Variants in PIK3C2G observed in about 807,000 individuals in gnomAD.
The protein encoded by PIK3C2G is phosphatidylinositol-4-phosphate 3-kinase catalytic subunit type 2 gamma.
In PIK3C2G, 168 loss-of-function variants were observed where a neutral mutation model predicts 181.1. That is an observed-to-expected ratio of 0.93 (90% CI 0.82 to 1.05). The LOEUF (loss-of-function observed/expected upper bound fraction) is 1.05, where lower values mean the gene tolerates loss of function less well. Among genes scored for constraint, PIK3C2G ranks in the 50% least tolerant of loss-of-function variants. The pLI is 0.00. For synonymous variants in PIK3C2G, 573 were observed against 592.2 expected (o/e 0.97, Z 0.47); for missense variants, 1,869 against 1,732.8 (o/e 1.08, Z -1.40).
chr12:18,440,078 T>A (rs902590309), intron 18 of PIK3C2G, among the ~76,000 whole-genome samples: 7 of 152,126 alleles, frequency 4.6e-5, no homozygotes, highest in Non-Finnish European at 8.8e-5. Context: ...TTTACAGGAC[T>A]CATTTTTCTC....
chr12:18,482,942 C>A (rs1210586695), intron 18 of PIK3C2G, among the ~76,000 whole-genome samples: 1 of 152,136 alleles, frequency 6.6e-6, no homozygotes, highest in Non-Finnish European at 1.5e-5. Flanking sequence ...GTTATCTGAC[C>A]CCCAGTTGGT....
chr12:18,497,115 A>G (rs991348988), intron 21 of PIK3C2G, among the ~76,000 whole-genome samples: 4 of 152,152 alleles, frequency 2.6e-5, no homozygotes, highest in Non-Finnish European at 5.9e-5. Flanking sequence ...ACTATCTTCA[A>G]AATAATTTGA....
chr12:18,698,424 A>T, the PIK3C2G span, among the ~76,000 whole-genome samples: 1 of 152,134 alleles, frequency 6.6e-6, no homozygotes. Context: ...AAGAGCCTTT[A>T]AAAAATCCAG....
intron 25 of PIK3C2G, among the ~76,000 whole-genome samples, chr12:18,543,200 T>C (rs547477105): frequency 6.6e-6 from 1 of 152,186 alleles, no homozygotes; most frequent in South Asian, 2.1e-4. Context: ...TTTTGAGAAG[T>C]GTCTGTTCAT....
chr12:18,486,983 A>T (rs1940100856), intron 18 of PIK3C2G, among the ~76,000 whole-genome samples: 1 of 152,104 alleles, frequency 6.6e-6, no homozygotes, highest in South Asian at 2.1e-4. Flanking sequence ...TCAAAATCTC[A>T]TCATAGGGAT....
At chr12:18,683,161 AAAAG>A in the PIK3C2G span, 1 of 1,254,678 alleles carries the variant, frequency 8.0e-7, no homozygotes, top group Non-Finnish European at 1.2e-6. Flanking sequence ...TTATGTTTAA[AAAAG>A]AAAACATAAA....
intron 18 of PIK3C2G, among the ~76,000 whole-genome samples, chr12:18,446,836 TAC>T (rs1947057620): frequency 6.6e-6 from 1 of 152,188 alleles, no homozygotes; most frequent in Admixed American, 6.6e-5. Flanking sequence ...TCTGTATATA[TAC>T]AGTCTACTGG....
intron 15 of PIK3C2G, among the ~76,000 whole-genome samples, chr12:18,395,982 GAA>G (rs577791439): frequency 1.8e-4 from 27 of 151,158 alleles, no homozygotes; most frequent in African/African-American, 5.1e-4. Context: ...GACAAACAAA[GAA>G]AAAAACACGC....
At chr12:18,681,915 G>A in the PIK3C2G span, among the ~76,000 whole-genome samples, 1 of 151,998 alleles carries the variant, frequency 6.6e-6, no homozygotes, top group Admixed American at 6.6e-5. Flanking sequence ...TGGAATTCCA[G>A]ATCTTCAAAA....
intron 3 of PIK3C2G, among the ~76,000 whole-genome samples, chr12:18,287,450 T>C (rs1358971586): frequency 6.6e-6 from 1 of 152,196 alleles, no homozygotes; most frequent in Admixed American, 6.5e-5. Context: ...AATCTAAAAA[T>C]GAATTTATGA....
intron 15 of PIK3C2G, among the ~76,000 whole-genome samples, chr12:18,395,467 A>G (rs1943822686): frequency 6.7e-6 from 1 of 149,944 alleles, no homozygotes; most frequent in African/African-American, 2.4e-5. Flanking sequence ...AACCAAATCC[A>G]GCTGAGTTAG....
intron 26 of PIK3C2G, among the ~76,000 whole-genome samples, chr12:18,559,259 C>T (rs560730098): frequency 1.5e-4 from 23 of 152,226 alleles, no homozygotes; most frequent in African/African-American, 5.3e-4. Flanking sequence ...GCAAATCAAC[C>T]AGGATAGCAA....
intron 18 of PIK3C2G, among the ~76,000 whole-genome samples, chr12:18,448,648 G>A (rs943512054): frequency 1.3e-5 from 2 of 151,902 alleles, no homozygotes; most frequent in African/African-American, 4.8e-5. Context: ...TTCTTTCTGT[G>A]TCTGGCTTAT....
chr12:18,630,246 G>A lies in PIK3C2G; in HGVS notation c.4183-10183G>A, dbSNP rs11833621. Among the ~76,000 whole-genome samples the A allele has an allele frequency of 2.8e-3, 420 of 152,084 alleles. 3 individuals are homozygous for A. Among genetic ancestry groups the A allele is most frequent in the African/African-American group, 9.7e-3 (401 of 41,490 alleles). On this transcript the variant is annotated intron_variant, in intron 31 of 32. Transcript: ENST00000538779. ...TCTCTACTAAAAATATAATAAATTAGCCAGACATAGTGACTCATGCCTATA... is the reference window on the plus strand; with the variant it reads ...TCTCTACTAAAAATATAATAAATTAACCAGACATAGTGACTCATGCCTATA...
chr12:18,271,153 C>T (rs765614301), intron 1 of PIK3C2G, among the ~76,000 whole-genome samples: 6 of 152,112 alleles, frequency 3.9e-5, no homozygotes, highest in Non-Finnish European at 7.3e-5. Flanking sequence ...TACCAGGCCC[C>T]TCCTTTTCAA....
chr12:18,694,655 G>C, the PIK3C2G span, among the ~76,000 whole-genome samples: 6 of 152,086 alleles, frequency 3.9e-5, no homozygotes, highest in African/African-American at 1.4e-4. Flanking sequence ...AAATCATATA[G>C]TAGAACTTTG....
intron 24 of PIK3C2G, among the ~76,000 whole-genome samples, chr12:18,522,521 G>GT (rs200633495): frequency 0.01 from 1,458 of 143,344 alleles, 12 homozygotes; most frequent in African/African-American, 0.029. Flanking sequence ...TTGTTGGCAG[G>GT]TTTTTTTTTT....
chr12:18,591,047 CA>C (rs1291866533), intron 29 of PIK3C2G, among the ~76,000 whole-genome samples: 1 of 151,804 alleles, frequency 6.6e-6, no homozygotes, highest in African/African-American at 2.4e-5. Context: ...GTCAAAAGGC[CA>C]AAGAAGGTCA....
intron 18 of PIK3C2G, among the ~76,000 whole-genome samples, chr12:18,462,817 G>A (rs1326762266): frequency 1.3e-5 from 2 of 151,876 alleles, no homozygotes; most frequent in African/African-American, 4.8e-5. Flanking sequence ...CATAATATTG[G>A]CTGCTTCCTA....
Sources: allele counts gnomAD v4.1 joint callset (sites outside exome capture counted in the v4.1 genomes callset), GRCh38; gene constraint gnomAD v4.1.1; transcripts MANE v1.5; gene names NCBI Gene and HGNC (gene_info 2026-07-23, HGNC 2026-07-21).